Variants in CSMD1 observed in about 807,000 individuals in gnomAD.
The protein encoded by CSMD1 is CUB and sushi domain-containing protein 1.
A neutral mutation model predicts 417.5 loss-of-function variants in CSMD1; 213 were observed. The observed-to-expected ratio is 0.51, with a 90% CI of 0.46 to 0.57. The LOEUF (loss-of-function observed/expected upper bound fraction) is 0.57, where lower values mean the gene tolerates loss of function less well. CSMD1 is among the 20% of genes least tolerant of loss of function. The pLI, the probability that CSMD1 is intolerant of heterozygous loss-of-function variation, is 0.00. For missense variants in CSMD1, 6,923 were observed against 4,529.7 expected, an observed-to-expected ratio of 1.53 and a Z score of -15.17; for synonymous variants, 2,862 against 1,736.8, an observed-to-expected ratio of 1.65 and a Z score of -16.11.
chr8:4,511,811 T>A (rs988955383), intron 2 of CSMD1, among the ~76,000 whole-genome samples: 1 of 152,138 alleles, frequency 6.6e-6, no homozygotes, highest in Non-Finnish European at 1.5e-5. Context: ...GTCTACACAT[T>A]ATGAGTTTTA....
At chr8:3,765,033 C>G (rs1798196548) in intron 5 of CSMD1, among the ~76,000 whole-genome samples, 1 of 151,960 alleles carries the variant, frequency 6.6e-6, no homozygotes, top group Non-Finnish European at 1.5e-5. Flanking sequence ...GCATGACCCA[C>G]CATTCCTGGC....
At chr8:4,882,044 A>G (rs1278136826) in intron 1 of CSMD1, among the ~76,000 whole-genome samples, 1 of 152,016 alleles carries the variant, frequency 6.6e-6, no homozygotes, top group African/African-American at 2.4e-5. Flanking sequence ...AAGTAATCTC[A>G]CTGAATTTCT....
At chr8:4,121,186 C>G (rs923760558) in intron 3 of CSMD1, among the ~76,000 whole-genome samples, 1 of 152,112 alleles carries the variant, frequency 6.6e-6, no homozygotes, top group Non-Finnish European at 1.5e-5. Context: ...ACGATCTTAG[C>G]TCACAGCAAC....
chr8:4,444,890 A>T (rs1434682975), intron 2 of CSMD1, among the ~76,000 whole-genome samples: 1 of 152,074 alleles, frequency 6.6e-6, no homozygotes, highest in East Asian at 1.9e-4. Flanking sequence ...GATTGTTCAG[A>T]CTCTGACCTT....
chr8:4,433,014 G>A lies in CSMD1; in HGVS notation c.303-12949C>T, dbSNP rs563118104. Among the ~76,000 whole-genome samples the A allele has an allele frequency of 4.6e-5, 7 of 152,116 alleles. No individual in the cohort carries two copies. The East Asian group carries it at 5.8e-4, about 13-fold the overall frequency. ...GGGAGCATTACATTCCCACAGGAGC[G>A]TCAACACTGTCGTGAACTACGTATA... On this transcript the variant is annotated intron_variant, in intron 2 of 69. Coordinates refer to ENST00000635120, the MANE Select transcript of CSMD1 (RefSeq NM_033225.6).
At chr8:4,435,399 T>C (rs1252051248) in intron 2 of CSMD1, among the ~76,000 whole-genome samples, 3 of 152,300 alleles carry the variant, frequency 2.0e-5, no homozygotes, top group East Asian at 3.9e-4. Context: ...GTGATATCAC[T>C]CCAAAGAAGT....
intron 2 of CSMD1, among the ~76,000 whole-genome samples, chr8:4,519,822 G>T (rs917824407): frequency 2.1e-5 from 3 of 140,908 alleles, no homozygotes; most frequent in African/African-American, 8.1e-5. Context: ...TATGAAAGAG[G>T]ATATGGCTGA....
chr8:4,190,463 C>G (rs1043280646), intron 3 of CSMD1, among the ~76,000 whole-genome samples: 1 of 151,430 alleles, frequency 6.6e-6, no homozygotes, highest in Non-Finnish European at 1.5e-5. Context: ...GAGCCTAACA[C>G]TATTAGAGTA....
intron 10 of CSMD1, among the ~76,000 whole-genome samples, chr8:3,512,887 C>T (rs1797136132): frequency 6.6e-6 from 1 of 152,062 alleles, no homozygotes; most frequent in African/African-American, 2.4e-5. Context: ...TGAGCCACTG[C>T]ACTTGGTCTT....
chr8:3,961,252 G>C (rs143973794), intron 5 of CSMD1, among the ~76,000 whole-genome samples: 72 of 152,242 alleles, frequency 4.7e-4, no homozygotes, highest in African/African-American at 1.3e-3. Context: ...AAGAAAAAAG[G>C]ATTCTGAGTT....
chr8:4,586,249 G>C (rs552860061), intron 2 of CSMD1, among the ~76,000 whole-genome samples: 8 of 152,068 alleles, frequency 5.3e-5, no homozygotes, highest in Admixed American at 1.3e-4. Context: ...CCAAGTACTA[G>C]TTCTTATTCA....
chr8:3,308,287 A>T, intron 24 of CSMD1, 25 bp downstream of exon 24: 1 of 1,576,602 alleles, frequency 6.3e-7, no homozygotes, highest in South Asian at 1.1e-5. Context: ...CTTTTGCACA[A>T]TGGTATGACT....
intron 3 of CSMD1, among the ~76,000 whole-genome samples, chr8:4,231,544 G>T (rs528639022): frequency 1.3e-5 from 2 of 152,086 alleles, no homozygotes; most frequent in African/African-American, 2.4e-5. Flanking sequence ...GGTGTTAAAG[G>T]CTAAGCAATG....
intron 3 of CSMD1, among the ~76,000 whole-genome samples, chr8:4,047,190 T>C (rs1798191309): frequency 6.6e-6 from 1 of 152,196 alleles, no homozygotes; most frequent in African/African-American, 2.4e-5. Context: ...CTGGGCCAGA[T>C]GCTCTGTAGT....
intron 3 of CSMD1, among the ~76,000 whole-genome samples, chr8:4,268,456 G>A (rs189714299): frequency 1.5e-3 from 229 of 152,290 alleles, no homozygotes; most frequent in African/African-American, 5.4e-3. Context: ...CTGAGGTACT[G>A]AAAGGTAGTA....
chr8:4,752,463 G>A (rs1811394539), intron 1 of CSMD1, among the ~76,000 whole-genome samples: 2 of 152,166 alleles, frequency 1.3e-5, no homozygotes, highest in African/African-American at 4.8e-5. Context: ...TACCTCGGGT[G>A]ATGAAGGAGA....
At chr8:3,196,066 C>T (rs926164934) in intron 33 of CSMD1, among the ~76,000 whole-genome samples, 5 of 152,054 alleles carry the variant, frequency 3.3e-5, no homozygotes, top group African/African-American at 9.7e-5. Flanking sequence ...GACAAAAAGA[C>T]GCCGTAAAGA....
At chr8:4,249,044 A>G (rs1256039536) in intron 3 of CSMD1, among the ~76,000 whole-genome samples, 2 of 152,206 alleles carry the variant, frequency 1.3e-5, no homozygotes, top group South Asian at 4.1e-4. Flanking sequence ...ATGCTACTCA[A>G]TGAATTTACT....
intron 3 of CSMD1, among the ~76,000 whole-genome samples, chr8:4,419,391 T>C (rs1403073358): frequency 6.6e-6 from 1 of 152,190 alleles, no homozygotes; most frequent in East Asian, 1.9e-4. Context: ...AAAAAATTTC[T>C]GCCAAAAGCC....
Sources: gnomAD v4.1 joint callset for allele counts (sites outside exome capture counted in the v4.1 genomes callset) on GRCh38, gnomAD v4.1.1 for gene constraint, MANE v1.5 for transcripts, NCBI Gene and HGNC (gene_info 2026-07-23, HGNC 2026-07-21) for gene names.